The following ASB18 variants were observed in gnomAD, a reference collection of about 807,000 sequenced individuals.
ASB18 encodes ankyrin repeat and SOCS box protein 18.
ASB18 carries 33 observed loss-of-function variants against 33.4 expected under a neutral mutation model. The observed-to-expected ratio is 0.99, with a 90% CI of 0.75 to 1.32. The LOEUF (loss-of-function observed/expected upper bound fraction) is 1.32. ASB18 is among the 40% of genes most tolerant of loss of function. The pLI is 0.00. For synonymous variants in ASB18, 295 were observed against 307.6 expected (o/e 0.96, Z 0.43); for missense variants, 694 against 655.5 (o/e 1.06, Z -0.64).
At position 236,225,354 on chromosome 2, in the gene ASB18, C is replaced by T. The variant is rs2060532139; in HGVS notation, c.597-10488G>A. 6.6e-6 allele frequency among the ~76,000 whole-genome samples: 1 copy of T among 152,172 alleles called. No homozygotes were observed. The highest frequency in any genetic ancestry group is 2.4e-5 in the African/African-American group (1 of 41,448). ...TCTCAAACTCCTGGGCTCAAGCGATCCTCTAGCCTTGGCCTCCTAAAATGA... is the reference window on the plus strand; with the variant it reads ...TCTCAAACTCCTGGGCTCAAGCGATTCTCTAGCCTTGGCCTCCTAAAATGA... On this transcript the variant is annotated intron_variant, in intron 3 of 5. Coordinates refer to ENST00000409749, the MANE Select transcript of ASB18 (RefSeq NM_212556.4). The surrounding 1 kb of genome is among the most constrained non-coding windows in gnomAD (Gnocchi z 5.1).
In ASB18 at chr2:236,235,346, T is replaced by G. The variant is rs1368892900; in HGVS notation, c.596+2343A>C. 6.6e-6 allele frequency among the ~76,000 whole-genome samples: 1 copy of G among 152,242 alleles called. No individual in the cohort carries two copies. The highest frequency in any genetic ancestry group is 1.5e-5 in the Non-Finnish European group (1 of 68,036). On this transcript the variant is annotated intron_variant, in intron 3 of 5. Coordinates refer to ENST00000409749, the MANE Select transcript of ASB18 (RefSeq NM_212556.4). The surrounding 1 kb of genome is among the most constrained non-coding windows in gnomAD (Gnocchi z 6.2). ...GTTTGTAGCCTGGGAGCCAGAGGCT[T>G]AATCATATAGCCTAGGTGGGCAGTA...
intron 1 of ASB18, among the ~76,000 whole-genome samples, chr2:236,258,290 C>A (rs1010626812): frequency 6.6e-6 from 1 of 152,160 alleles, no homozygotes; most frequent in Non-Finnish European, 1.5e-5. Flanking sequence ...CGTCTTAGAA[C>A]CTGAGTTAGT....
Position 236,213,232 on chromosome 2 carries a change from C to T in ASB18, c.1101+1130G>A, listed in dbSNP as rs546374412. The stretch of plus-strand genomic sequence containing the variant: ...GGGTGAGACAGCATCGGGAAAGTGC[C>T]ATCCTGTTTGTCAAGTGAGCAAACA... On this transcript the variant is annotated intron_variant, in intron 4 of 5. Transcript: ENST00000409749. This position sits in a 1 kb window ranked among gnomAD's most constrained non-coding sequence, Gnocchi z 4.8. Among the ~76,000 whole-genome samples the T allele has an allele frequency of 6.6e-6, 1 of 152,008 alleles. No individual in the cohort carries two copies. The highest frequency in any genetic ancestry group is 2.4e-5 in the African/African-American group (1 of 41,466).
At position 236,260,972 on chromosome 2, in the gene ASB18, T is replaced by C. The variant is rs2060714482; in HGVS notation, c.205+3169A>G. Among the ~76,000 whole-genome samples the C allele has an allele frequency of 6.6e-6, 1 of 152,172 alleles. No individual in the cohort carries two copies. Among genetic ancestry groups the C allele is most frequent in the Non-Finnish European group, 1.5e-5 (1 of 68,024 alleles). On this transcript the variant is annotated intron_variant, in intron 1 of 5. Transcript: ENST00000409749. This position sits in a 1 kb window ranked among gnomAD's most constrained non-coding sequence, Gnocchi z 5.1. ...ATACCCTCGTTAATAAATGGAGACG[T>C]TGGTCTCGAGACAGACAGTGAGTTT...
chr2:236,241,670 A>G lies in ASB18; in HGVS notation c.206-268T>C, dbSNP rs2060621837. The stretch of plus-strand genomic sequence containing the variant: ...AACTCCTGTGGGCTCCGATGTGATA[A>G]TGGTTACTTGATATGACCAGGGGCA... On this transcript the variant is annotated intron_variant, in intron 1 of 5. Transcript: ENST00000409749. This position sits in a 1 kb window ranked among gnomAD's most constrained non-coding sequence, Gnocchi z 4.2. 1.6e-6 allele frequency: 1 copy of G among 612,126 alleles called. No individual in the cohort carries two copies. Among genetic ancestry groups the G allele is most frequent in the Non-Finnish European group, 2.9e-6 (1 of 344,234 alleles). The allele number at this position is 612,126 out of a possible 1,614,324, so 37.9% of individuals were successfully genotyped here. A position where few individuals can be genotyped will look rare whatever the true frequency, so the allele number is the denominator to read the frequency against.
Position 236,259,983 on chromosome 2 carries a change from G to T in ASB18, c.205+4158C>A, listed in dbSNP as rs2060710647. ...CACTTTTTCTCTATGCTTTTTTTTG[G>T]TGATGTTGACATGGATGCATCAAAA... On this transcript the variant is annotated intron_variant, in intron 1 of 5. Coordinates refer to ENST00000409749, the MANE Select transcript of ASB18 (RefSeq NM_212556.4). This position sits in a 1 kb window ranked among gnomAD's most constrained non-coding sequence, Gnocchi z 4.4. Among the ~76,000 whole-genome samples, 1 of 152,014 alleles carries T rather than the reference G, an allele frequency of 6.6e-6. No individual in the cohort carries two copies. Among genetic ancestry groups the T allele is most frequent in the African/African-American group, 2.4e-5 (1 of 41,404 alleles).
At position 236,263,792 on chromosome 2, in the gene ASB18, A is replaced by G. The variant is rs1215067920; in HGVS notation, c.205+349T>C. On this transcript the variant is annotated intron_variant, in intron 1 of 5. Coordinates refer to ENST00000409749, the MANE Select transcript of ASB18 (RefSeq NM_212556.4). This position sits in a 1 kb window ranked among gnomAD's most constrained non-coding sequence, Gnocchi z 4.0. ...AACATGGAAAATGCTTTAGATTTAG[A>G]TTTTGTAGATCTCAAGGGAGCAGAA... 4.6e-5 allele frequency among the ~76,000 whole-genome samples: 7 copies of G among 152,174 alleles called. No homozygotes were observed. Among genetic ancestry groups the G allele is most frequent in the Non-Finnish European group, 1.0e-4 (7 of 68,024 alleles).
rs561884095 is a variant in ASB18, at chr2:236,241,130, T to C, written c.328+150A>G. The C allele has an allele frequency of 2.2e-3, 1,751 of 799,152 alleles. 8 individuals are homozygous for C. The highest frequency in any genetic ancestry group is 4.4e-3 in the South Asian group (263 of 59,272). The allele number at this position is 799,152 out of a possible 1,614,324, so 49.5% of individuals were successfully genotyped here. A position where few individuals can be genotyped will look rare whatever the true frequency, so the allele number is the denominator to read the frequency against. On this transcript the variant is annotated intron_variant, in intron 2 of 5. Coordinates refer to ENST00000409749, the MANE Select transcript of ASB18 (RefSeq NM_212556.4). This position sits in a 1 kb window ranked among gnomAD's most constrained non-coding sequence, Gnocchi z 4.2. ...AGGCCATCACCTAAAACCTACACTT[T>C]ACTGCGAGCAAACTTCATCAGATGT...
In ASB18 at chr2:236,219,310, C is replaced by T. The variant is rs151243553; in HGVS notation, c.597-4444G>A. ...GTCAAGGTGCAGTTTGATACAAGAACCACAACAGAGGTTATTAATAACAAA... is the reference window on the plus strand; with the variant it reads ...GTCAAGGTGCAGTTTGATACAAGAATCACAACAGAGGTTATTAATAACAAA... On this transcript the variant is annotated intron_variant, in intron 3 of 5. Transcript: ENST00000409749. This position sits in a 1 kb window ranked among gnomAD's most constrained non-coding sequence, Gnocchi z 6.4. Among the ~76,000 whole-genome samples the T allele has an allele frequency of 2.0e-5, 3 of 152,264 alleles. No individual in the cohort carries two copies. In the East Asian group the frequency reaches 5.8e-4, roughly 29 times the overall value.
chr2:236,254,815 C>G (rs1028704614), intron 1 of ASB18, among the ~76,000 whole-genome samples: 15 of 152,082 alleles, frequency 9.9e-5, no homozygotes, highest in African/African-American at 3.1e-4. Context: ...GCCCAGATCT[C>G]ATGCCAATTA....
rs925661051 is a variant in ASB18 at position 236,238,666 on chromosome 2, T to C, written c.329-710A>G. On this transcript the variant is annotated intron_variant, in intron 2 of 5. Coordinates refer to ENST00000409749, the MANE Select transcript of ASB18 (RefSeq NM_212556.4). This position sits in a 1 kb window ranked among gnomAD's most constrained non-coding sequence, Gnocchi z 5.2. ...TTTCTTGAGGGATGAATGGAGCAGG[T>C]GCTATACATTTTTACTTCTCTGAAA... Among the ~76,000 whole-genome samples, 1 of 151,490 alleles carries C rather than the reference T, an allele frequency of 6.6e-6. No individual in the cohort carries two copies. Among genetic ancestry groups the C allele is most frequent in the African/African-American group, 2.4e-5 (1 of 41,080 alleles).
In ASB18 at chr2:236,256,793, T is replaced by C. The variant is rs1348911916; in HGVS notation, c.205+7348A>G. Reference sequence around the variant, plus strand: ...AGCTGAGACGCGACCCTGTAGGATTTTTTTTCTTGTCCATATGCCTTTGAA... The same window carrying C: ...AGCTGAGACGCGACCCTGTAGGATTCTTTTTCTTGTCCATATGCCTTTGAA... On this transcript the variant is annotated intron_variant, in intron 1 of 5. Coordinates refer to ENST00000409749, the MANE Select transcript of ASB18 (RefSeq NM_212556.4). This position sits in a 1 kb window ranked among gnomAD's most constrained non-coding sequence, Gnocchi z 4.7. Among the ~76,000 whole-genome samples the C allele has an allele frequency of 6.6e-6, 1 of 152,196 alleles. No individual in the cohort carries two copies. The highest frequency in any genetic ancestry group is 1.5e-5 in the Non-Finnish European group (1 of 68,044).
chr2:236,257,407 G>A lies in ASB18; in HGVS notation c.205+6734C>T, dbSNP rs1046260857. 2.6e-5 allele frequency among the ~76,000 whole-genome samples: 4 copies of A among 152,252 alleles called. 1 individual carries two copies. Among genetic ancestry groups the A allele is most frequent in the South Asian group, 4.1e-4 (2 of 4,822 alleles). ...CCTGCCCTGCCGTGGGTGACCTCTC[G>A]CTTCCCATTTCTGTTTTTATTCTCC... On this transcript the variant is annotated intron_variant, in intron 1 of 5. Coordinates refer to ENST00000409749, the MANE Select transcript of ASB18 (RefSeq NM_212556.4). This position sits in a 1 kb window ranked among gnomAD's most constrained non-coding sequence, Gnocchi z 5.5.
Position 236,204,019 on chromosome 2 carries a change from C to A in ASB18, c.1102-7634G>T, listed in dbSNP as rs573294995. 2.1e-3 allele frequency among the ~76,000 whole-genome samples: 318 copies of A among 152,266 alleles called. No individual in the cohort carries two copies. The highest frequency in any genetic ancestry group is 7.2e-3 in the African/African-American group (300 of 41,562). On this transcript the variant is annotated intron_variant, in intron 4 of 5. Transcript: ENST00000409749. The surrounding 1 kb of genome is among the most constrained non-coding windows in gnomAD (Gnocchi z 5.1). The stretch of plus-strand genomic sequence containing the variant: ...TAGGGGAGAGATGGTGGTGGCCTCA[C>A]CTCAGGTGGTGGCAGTCAGGAGGGT...
chr2:236,197,166 T>A (rs1021969604), intron 4 of ASB18, among the ~76,000 whole-genome samples: 1 of 152,172 alleles, frequency 6.6e-6, no homozygotes, highest in African/African-American at 2.4e-5. Context: ...TGTATTTCAG[T>A]GCATCTTTTA....
In ASB18 at chr2:236,241,293, C is replaced by T. The variant is rs544181089; in HGVS notation, c.315G>A (p.Thr105=). 2.0e-5 allele frequency: 33 copies of T among 1,613,842 alleles called. No individual in the cohort carries two copies. The highest frequency in any genetic ancestry group is 6.7e-5 in the African/African-American group (5 of 75,020). The change falls in exon 2 of 6, where the codon ACG becomes ACA. Residue 105 remains threonine, a synonymous_variant. Coordinates refer to ENST00000409749, the MANE Select transcript of ASB18 (RefSeq NM_212556.4). This position sits in a 1 kb window ranked among gnomAD's most constrained non-coding sequence, Gnocchi z 4.2. ...GAACAAGGGTACCTGATAGTCCAAA[C>T]GTGGCTGGAGATTTCACCTGCCATT... ...EMEWQVKSPA[T]FGLSGLWTLE...
At chr2:236,212,594 C>T (rs1313046139) in intron 4 of ASB18, among the ~76,000 whole-genome samples, 1 of 152,132 alleles carries the variant, frequency 6.6e-6, no homozygotes, top group African/African-American at 2.4e-5. Context: ...ATATTTTCCC[C>T]TTTTGGCCCA....
At chr2:236,261,140 A>T (rs1246173602) in intron 1 of ASB18, among the ~76,000 whole-genome samples, 1 of 152,094 alleles carries the variant, frequency 6.6e-6, no homozygotes, top group African/African-American at 2.4e-5. Flanking sequence ...ATTTGTAAAG[A>T]TGCTTAGAGA....
Position 236,220,553 on chromosome 2 carries a change from CTT to C in ASB18, c.597-5689_597-5688del, listed in dbSNP as rs35828724. Among the ~76,000 whole-genome samples the C allele has an allele frequency of 6.7e-4, 96 of 144,198 alleles. No individual in the cohort carries two copies. The highest frequency in any genetic ancestry group is 1.6e-3 in the African/African-American group (63 of 39,352). The allele number at this position is 144,198 out of a possible 152,430, so 94.6% of individuals were successfully genotyped here. On this transcript the variant is annotated intron_variant, in intron 3 of 5. Transcript: ENST00000409749. This position sits in a 1 kb window ranked among gnomAD's most constrained non-coding sequence, Gnocchi z 5.1. ...TCTTTTGGATTCCCCAGTACTTGGC[CTT>C]TTTTTTTTTTTTTAAACAACTATTT...
Sources: gnomAD v4.1 joint callset for allele counts (sites outside exome capture counted in the v4.1 genomes callset) on GRCh38, gnomAD v4.1.1 for gene constraint, Gnocchi (gnomAD v3.1) non-coding constraint, MANE v1.5 for transcripts, NCBI Gene and HGNC (gene_info 2026-07-23, HGNC 2026-07-21) for gene names.